Variants in MAML3 observed in about 807,000 individuals in gnomAD.
MAML3 encodes the protein mastermind like transcriptional coactivator 3, also known as mastermind-like protein 3.
Under a neutral mutation model 101.9 loss-of-function variants are expected in MAML3, and 27 were observed. The observed-to-expected ratio is 0.27, with a 90% CI of 0.20 to 0.37. MAML3 has a LOEUF of 0.37. MAML3 is among the 10% of genes least tolerant of loss of function. MAML3 has a pLI of 1.00. For missense variants in MAML3, 1,316 were observed against 1,444.9 expected (o/e 0.91, Z 1.45); for synonymous variants, 501 against 555.9 (o/e 0.90, Z 1.39).
chr4:139,762,025 G>A (rs1729769038), intron 2 of MAML3, among the ~76,000 whole-genome samples: 1 of 151,814 alleles, frequency 6.6e-6, no homozygotes, highest in South Asian at 2.1e-4. Flanking sequence ...TGGACCGAGA[G>A]CCCAGGGAGC....
At chr4:140,074,223 A>AG (rs1560885554) in intron 1 of MAML3, among the ~76,000 whole-genome samples, 1 of 42,064 alleles carries the variant, frequency 2.4e-5, no homozygotes, top group Non-Finnish European at 7.5e-5. Context: ...GAAAGAAAGA[A>AG]AGAAAGAAAG....
chr4:139,940,067 T>C (rs781331911), intron 1 of MAML3, among the ~76,000 whole-genome samples: 1 of 152,134 alleles, frequency 6.6e-6, no homozygotes, highest in Non-Finnish European at 1.5e-5. Context: ...TCCAGCCCAA[T>C]AGACACTTGT....
intron 2 of MAML3, chr4:139,731,034 C>T (rs1728686969): frequency 4.2e-6 from 1 of 239,174 alleles, no homozygotes; most frequent in Admixed American, 4.9e-5. Context: ...ACACGAGACA[C>T]ATCCTGACCT....
At chr4:139,726,046 C>T (rs1728461609) in intron 3 of MAML3, among the ~76,000 whole-genome samples, 1 of 152,346 alleles carries the variant, frequency 6.6e-6, no homozygotes, top group South Asian at 2.1e-4. Context: ...CCAGCCCCCA[C>T]ATCAAGAAAC....
In MAML3 at chr4:140,001,539, T is replaced by C. The variant is rs574356937; in HGVS notation, c.469-110572A>G. Among the ~76,000 whole-genome samples, 20 of 152,310 alleles carry C rather than the reference T, an allele frequency of 1.3e-4. No individual in the cohort carries two copies. The East Asian group carries it at 3.3e-3, about 25-fold the overall frequency. Reference sequence around the variant, plus strand: ...TGGCCCTGTCCTGGGTCACCACTTATGTAAAGAACAGCTCAAAATCAGAAG... The same window carrying C: ...TGGCCCTGTCCTGGGTCACCACTTACGTAAAGAACAGCTCAAAATCAGAAG... On this transcript the variant is annotated intron_variant, in intron 1 of 4. Transcript: ENST00000509479.
At chr4:139,832,091 C>CG (rs1731174975) in intron 2 of MAML3, among the ~76,000 whole-genome samples, 2 of 80,208 alleles carry the variant, frequency 2.5e-5, no homozygotes, top group African/African-American at 1.4e-4. Context: ...TCATGCCCAG[C>CG]CCCTTTTTTT....
intron 1 of MAML3, among the ~76,000 whole-genome samples, chr4:140,053,210 TTG>T (rs1727297014): frequency 1.3e-5 from 2 of 151,958 alleles, no homozygotes; most frequent in South Asian, 4.1e-4. Flanking sequence ...GTTTGGAAAC[TTG>T]TCTCTCCAAA....
At chr4:139,893,499 A>C (rs1578651499) in intron 1 of MAML3, among the ~76,000 whole-genome samples, 1 of 152,270 alleles carries the variant, frequency 6.6e-6, no homozygotes, top group Admixed American at 6.5e-5. Flanking sequence ...CTGTGTAAGC[A>C]CCACAGGCCT....
intron 2 of MAML3, among the ~76,000 whole-genome samples, chr4:139,872,381 A>G (rs942681994): frequency 3.3e-5 from 5 of 152,228 alleles, no homozygotes; most frequent in African/African-American, 1.2e-4. Context: ...AAATGGAAAG[A>G]AAAGCCTGAC....
chr4:139,811,055 G>A (rs1730788142), intron 2 of MAML3, among the ~76,000 whole-genome samples: 1 of 152,236 alleles, frequency 6.6e-6, no homozygotes. Context: ...TAAAAGCCAT[G>A]CATTGGGTAG....
intron 2 of MAML3, among the ~76,000 whole-genome samples, chr4:139,876,823 T>C (rs1732125870): frequency 6.6e-6 from 1 of 152,144 alleles, no homozygotes. Context: ...CTCAGAGGCG[T>C]TGCCTGAAGT....
chr4:139,877,418 C>G (rs1225116759), intron 2 of MAML3, among the ~76,000 whole-genome samples: 1 of 151,602 alleles, frequency 6.6e-6, no homozygotes, highest in Non-Finnish European at 1.5e-5. Flanking sequence ...ACATAATATA[C>G]TTTAAAGCTT....
chr4:139,895,969 C>T (rs1359770033), intron 1 of MAML3, among the ~76,000 whole-genome samples: 1 of 152,164 alleles, frequency 6.6e-6, no homozygotes, highest in East Asian at 1.9e-4. Flanking sequence ...AAGACATTAT[C>T]GAAGATGCTG....
Position 139,736,355 on chromosome 4 carries a change from T to C in MAML3, c.2080-5688A>G, listed in dbSNP as rs182788062. ...TCAGAGGTGAAAGCTAACATGACAA[T>C]TGCTTGGCCAAAGAGCGCAGCAGTT... On this transcript the variant is annotated intron_variant, in intron 2 of 4. Coordinates refer to ENST00000509479, the MANE Select transcript of MAML3 (RefSeq NM_018717.5). Among the ~76,000 whole-genome samples the C allele has an allele frequency of 1.5e-3, 233 of 152,256 alleles. 1 individual carries two copies. Among genetic ancestry groups the C allele is most frequent in the Non-Finnish European group, 2.1e-3 (145 of 68,018 alleles).
Position 139,870,726 on chromosome 4 carries a change from C to T in MAML3, c.2079+18631G>A, listed in dbSNP as rs573392272. Among the ~76,000 whole-genome samples the T allele has an allele frequency of 5.8e-4, 88 of 152,244 alleles. 1 individual carries two copies. The highest frequency in any genetic ancestry group is 1.8e-3 in the African/African-American group (75 of 41,554). The stretch of plus-strand genomic sequence containing the variant: ...GCGCAATCACAGCTAACTGTACCCT[C>T]GACCTCCTGGACTCAAGAGATCCTT... On this transcript the variant is annotated intron_variant, in intron 2 of 4. Transcript: ENST00000509479.
intron 1 of MAML3, among the ~76,000 whole-genome samples, chr4:140,055,911 G>C (rs1727341692): frequency 6.6e-6 from 1 of 151,300 alleles, no homozygotes; most frequent in African/African-American, 2.4e-5. Flanking sequence ...ACCTATAAAA[G>C]ACATTATCCA....
chr4:139,925,300 T>C (rs1226477668), intron 1 of MAML3, among the ~76,000 whole-genome samples: 2 of 152,100 alleles, frequency 1.3e-5, no homozygotes, highest in Non-Finnish European at 2.9e-5. Context: ...TGCAATCTCA[T>C]CTCACTGCAA....
intron 2 of MAML3, among the ~76,000 whole-genome samples, chr4:139,745,110 T>C (rs546416013): frequency 1.7e-4 from 26 of 152,128 alleles, no homozygotes; most frequent in Admixed American, 5.2e-4. Flanking sequence ...TTGATGGAAG[T>C]GTAGATTTGG....
chr4:140,067,012 G>A (rs1329361734), intron 1 of MAML3, among the ~76,000 whole-genome samples: 4 of 152,114 alleles, frequency 2.6e-5, no homozygotes, highest in Non-Finnish European at 4.4e-5. Flanking sequence ...TGACTTCTAC[G>A]AGCAACCGCA....
Sources: allele counts gnomAD v4.1 joint callset (sites outside exome capture counted in the v4.1 genomes callset), GRCh38; gene constraint gnomAD v4.1.1; transcripts MANE v1.5; gene names NCBI Gene and HGNC (gene_info 2026-07-23, HGNC 2026-07-21).